Variants in ROBO1 observed in about 807,000 individuals in gnomAD.
ROBO1 encodes the protein roundabout homolog 1.
A neutral mutation model predicts 195.9 loss-of-function variants in ROBO1; 149 were observed. The ratio of observed to expected loss-of-function variants is 0.76; its 90% CI spans 0.67 to 0.87. ROBO1 has a LOEUF of 0.87. ROBO1 is among the 40% of genes least tolerant of loss of function. The pLI is 0.00. For missense variants in ROBO1, 1,933 were observed against 2,068.3 expected (o/e 0.93, Z 1.27); for synonymous variants, 816 against 733.2 (o/e 1.11, Z -1.82).
intron 3 of ROBO1, among the ~76,000 whole-genome samples, chr3:79,107,969 A>G (rs1169139489): frequency 6.6e-6 from 1 of 151,810 alleles, no homozygotes; most frequent in African/African-American, 2.4e-5. Flanking sequence ...TATTCTTAAT[A>G]AAATAATCAA....
chr3:78,617,670 A>G lies in ROBO1; in HGVS notation c.4247T>C (p.Leu1416Pro). Residue 1416 changes from leucine to proline, a missense_variant, in exon 27 of 31, where the codon CTG becomes CCG. Around this residue, in one of 3 missense-constraint regions of ROBO1, gnomAD observed 1,737 missense variants for 1,882.5 expected, o/e 0.92. Transcript: ENST00000464233. Reference protein sequence around the residue: ...AVAAAAEYAGLKVARRQMQDA... With the variant: ...AVAAAAEYAGPKVARRQMQDA... ...CTGCATTTGCCGTCGTGCTACTTTC[A>G]GACCAGCATACTCTGCCGCTGCTGC... 1 of 1,613,650 alleles carries G rather than the reference A, an allele frequency of 6.2e-7. No individual in the cohort carries two copies. The highest frequency in any genetic ancestry group is 8.5e-7 in the Non-Finnish European group (1 of 1,179,708).
intron 4 of ROBO1, among the ~76,000 whole-genome samples, chr3:78,873,472 G>A (rs2035662184): frequency 6.6e-6 from 1 of 151,978 alleles, no homozygotes; most frequent in African/African-American, 2.4e-5. Context: ...TTTTTTTCCA[G>A]AGTGATAGTG....
At chr3:79,264,889 C>T (rs965115486) in intron 2 of ROBO1, among the ~76,000 whole-genome samples, 1 of 151,886 alleles carries the variant, frequency 6.6e-6, no homozygotes, top group Admixed American at 6.6e-5. Flanking sequence ...ATAACATGAT[C>T]ATAATTTCTG....
At chr3:79,752,466 T>C (rs1048961776) in intron 1 of ROBO1, among the ~76,000 whole-genome samples, 2 of 152,022 alleles carry the variant, frequency 1.3e-5, no homozygotes, top group Admixed American at 6.6e-5. Flanking sequence ...AAATGGAACA[T>C]AGTGGTGCCA....
chr3:79,121,442 G>GT (rs397876058), intron 3 of ROBO1, among the ~76,000 whole-genome samples: 34 of 151,482 alleles, frequency 2.2e-4, no homozygotes, highest in South Asian at 4.2e-4. Context: ...TTTCTCTTTT[G>GT]TTTTTTTTAA....
intron 1 of ROBO1, among the ~76,000 whole-genome samples, chr3:79,717,278 A>G (rs1702528702): frequency 6.6e-6 from 1 of 152,054 alleles, no homozygotes; most frequent in Admixed American, 6.6e-5. Flanking sequence ...TGAAGAGAAT[A>G]CAGTTTTATA....
Position 78,657,150 on chromosome 3 carries a change from G to A in ROBO1, c.2562C>T (p.Ala854=). ...TTACCCCAGACCCAGCCCCAGTGCT[G>A]GCTGCCACTTCCACACTGTATCGGA... ...PGIRYSVEVA[A]STGAGSGVKS... Residue 854 remains alanine, a synonymous_variant, in exon 18 of 31, where the codon GCC becomes GCT. Transcript: ENST00000464233. 6.2e-7 allele frequency: 1 copy of A among 1,612,688 alleles called. No homozygotes were observed. Among genetic ancestry groups the A allele is most frequent in the African/African-American group, 1.3e-5 (1 of 75,028 alleles).
At chr3:79,232,204 T>C (rs2082331944) in intron 2 of ROBO1, among the ~76,000 whole-genome samples, 1 of 146,592 alleles carries the variant, frequency 6.8e-6, no homozygotes, top group African/African-American at 2.5e-5. Context: ...GAACTTGAAA[T>C]AGAAATTGAA....
intron 2 of ROBO1, among the ~76,000 whole-genome samples, chr3:79,177,506 A>G (rs144543522): frequency 2.6e-5 from 4 of 152,202 alleles, no homozygotes; most frequent in Non-Finnish European, 5.9e-5. Context: ...TCTGTCACTC[A>G]TGGGTCCCAA....
intron 3 of ROBO1, among the ~76,000 whole-genome samples, chr3:79,061,122 C>T (rs974394755): frequency 3.3e-5 from 5 of 152,142 alleles, no homozygotes; most frequent in African/African-American, 1.2e-4. Context: ...GGCCCAAAAT[C>T]TCCTTAAGCT....
chr3:79,141,168 G>T (rs1305123659), intron 2 of ROBO1, among the ~76,000 whole-genome samples: 1 of 152,036 alleles, frequency 6.6e-6, no homozygotes, highest in African/African-American at 2.4e-5. Flanking sequence ...GGTGGTGGGG[G>T]ACATCTGAAG....
At chr3:78,620,517 A>C (rs1392013846) in intron 26 of ROBO1, among the ~76,000 whole-genome samples, 1 of 152,234 alleles carries the variant, frequency 6.6e-6, no homozygotes, top group African/African-American at 2.4e-5. Flanking sequence ...GTCTCAAAAA[A>C]AAAGAAGAAA....
chr3:79,653,933 CAT>C (rs1323233111), intron 1 of ROBO1, among the ~76,000 whole-genome samples: 4 of 151,876 alleles, frequency 2.6e-5, no homozygotes, highest in Admixed American at 6.6e-5. Flanking sequence ...CTACAAAGTA[CAT>C]GTTAGGAAAG....
intron 2 of ROBO1, among the ~76,000 whole-genome samples, chr3:79,163,172 C>T (rs1331326438): frequency 6.6e-6 from 1 of 152,060 alleles, no homozygotes; most frequent in Non-Finnish European, 1.5e-5. Flanking sequence ...AACAAGAACT[C>T]TCCATTGCTG....
At chr3:78,676,881 A>C (rs1708468744) in intron 10 of ROBO1, among the ~76,000 whole-genome samples, 1 of 152,190 alleles carries the variant, frequency 6.6e-6, no homozygotes, top group Non-Finnish European at 1.5e-5. Flanking sequence ...TGTCAGATTC[A>C]CCAAAGTTGA....
chr3:79,031,864 AAC>A (rs2078301221), intron 3 of ROBO1, among the ~76,000 whole-genome samples: 2 of 152,192 alleles, frequency 1.3e-5, no homozygotes, highest in South Asian at 2.1e-4. Flanking sequence ...GAAAACCATA[AAC>A]ACAATTTATA....
chr3:79,688,507 C>G, intron 1 of ROBO1, among the ~76,000 whole-genome samples: 1 of 152,062 alleles, frequency 6.6e-6, no homozygotes. Context: ...ATATTCTAAT[C>G]ATTTCTATTG....
chr3:79,182,994 T>A (rs954537893), intron 2 of ROBO1, among the ~76,000 whole-genome samples: 1 of 149,242 alleles, frequency 6.7e-6, no homozygotes, highest in South Asian at 2.1e-4. Flanking sequence ...GGCAGGAGAA[T>A]CGCTTGAACC....
At chr3:79,155,081 C>T (rs769150855) in intron 2 of ROBO1, among the ~76,000 whole-genome samples, 6 of 151,732 alleles carry the variant, frequency 4.0e-5, no homozygotes, top group Non-Finnish European at 7.4e-5. Context: ...CTATTGCCAA[C>T]GATGCATGTG....
Sources: allele counts gnomAD v4.1 joint callset (sites outside exome capture counted in the v4.1 genomes callset), GRCh38; gene constraint gnomAD v4.1.1; regional missense constraint gnomAD v4.1.1; transcripts MANE v1.5; gene names NCBI Gene and HGNC (gene_info 2026-07-23, HGNC 2026-07-21).